The following RSPO2 variants were observed in gnomAD, a reference collection of about 807,000 sequenced individuals.
The protein encoded by RSPO2 is R-spondin-2.
Under a neutral mutation model 30.9 loss-of-function variants are expected in RSPO2, and 14 were observed. That is an observed-to-expected ratio of 0.45 (90% CI 0.30 to 0.71). The LOEUF (loss-of-function observed/expected upper bound fraction) is 0.71, where lower values mean the gene tolerates loss of function less well. RSPO2 is among the 30% of genes least tolerant of loss of function. The pLI, the probability that RSPO2 is intolerant of heterozygous loss-of-function variation, is 0.08. For synonymous variants in RSPO2, 107 were observed against 96.4 expected (o/e 1.11, Z -0.64); for missense variants, 264 against 301.9 (o/e 0.87, Z 0.93).
chr8:107,963,219 C>G (rs1813687103), intron 3 of RSPO2, among the ~76,000 whole-genome samples: 1 of 142,826 alleles, frequency 7.0e-6, no homozygotes, highest in African/African-American at 2.5e-5. Flanking sequence ...CCTGAAAAAC[C>G]CATTGTTAAG....
intron 2 of RSPO2, among the ~76,000 whole-genome samples, chr8:108,021,287 G>T (rs1199559857): frequency 6.6e-6 from 1 of 152,108 alleles, no homozygotes; most frequent in African/African-American, 2.4e-5. Flanking sequence ...CTGACTCACT[G>T]GGATATGTAA....
At chr8:107,984,933 T>C (rs889226145) in intron 3 of RSPO2, among the ~76,000 whole-genome samples, 4 of 152,200 alleles carry the variant, frequency 2.6e-5, no homozygotes, top group Non-Finnish European at 4.4e-5. Context: ...TACTTTGTAA[T>C]AGTTCATTAA....
intron 5 of RSPO2, among the ~76,000 whole-genome samples, chr8:107,955,446 GT>G (rs1332717322): frequency 6.6e-6 from 1 of 152,020 alleles, no homozygotes; most frequent in African/African-American, 2.4e-5. Flanking sequence ...AACCTTACAG[GT>G]TATGCTATCA....
chr8:107,962,116 T>A (rs1364025076), intron 3 of RSPO2, among the ~76,000 whole-genome samples: 1 of 152,158 alleles, frequency 6.6e-6, no homozygotes, highest in Non-Finnish European at 1.5e-5. Flanking sequence ...TGACATCACA[T>A]GTATTCATTT....
intron 5 of RSPO2, among the ~76,000 whole-genome samples, chr8:107,951,363 G>T (rs1321236286): frequency 6.6e-6 from 1 of 151,898 alleles, no homozygotes; most frequent in African/African-American, 2.4e-5. Flanking sequence ...AGAATAAGTT[G>T]TTCTAAAAAA....
At chr8:107,931,513 G>T (rs1317036522) in intron 5 of RSPO2, among the ~76,000 whole-genome samples, 5 of 152,056 alleles carry the variant, frequency 3.3e-5, no homozygotes, top group African/African-American at 1.2e-4. Context: ...GGCACAGGAA[G>T]AATTATTGTA....
At chr8:108,059,990 C>T (rs1812397623) in intron 2 of RSPO2, among the ~76,000 whole-genome samples, 1 of 151,166 alleles carries the variant, frequency 6.6e-6, no homozygotes, top group African/African-American at 2.5e-5. Flanking sequence ...TACCCTAAAA[C>T]TTAAAGTATA....
At chr8:107,949,443 T>A (rs898343521) in intron 5 of RSPO2, among the ~76,000 whole-genome samples, 8 of 151,536 alleles carry the variant, frequency 5.3e-5, no homozygotes, top group African/African-American at 2.0e-4. Context: ...AATTTCGAAT[T>A]GTACTGCTAT....
At chr8:107,993,555 C>CA (rs1398507308) in intron 2 of RSPO2, among the ~76,000 whole-genome samples, 1 of 152,128 alleles carries the variant, frequency 6.6e-6, no homozygotes, top group East Asian at 1.9e-4. Context: ...AAGACTACTA[C>CA]ATGCCTTTGA....
chr8:107,934,365 A>G (rs1423533700), intron 5 of RSPO2, among the ~76,000 whole-genome samples: 1 of 119,616 alleles, frequency 8.4e-6, no homozygotes, highest in African/African-American at 3.1e-5. Flanking sequence ...GCATCTTCTC[A>G]TTTCCCTTTT....
intron 2 of RSPO2, among the ~76,000 whole-genome samples, chr8:107,992,066 T>C (rs952179402): frequency 6.6e-6 from 1 of 151,990 alleles, no homozygotes; most frequent in Non-Finnish European, 1.5e-5. Context: ...ATCCTTCTAT[T>C]ATAAAGACAC....
intron 5 of RSPO2, among the ~76,000 whole-genome samples, chr8:107,904,738 C>G (rs1811585160): frequency 6.6e-6 from 1 of 152,064 alleles, no homozygotes. Context: ...AATGAAAATA[C>G]TACAGTCATC....
intron 2 of RSPO2, among the ~76,000 whole-genome samples, chr8:108,012,665 C>T (rs949221697): frequency 1.3e-5 from 2 of 152,100 alleles, no homozygotes; most frequent in African/African-American, 4.8e-5. Flanking sequence ...AAAGTAGGGG[C>T]TCTATTCCTA....
chr8:108,021,543 T>C (rs543362940), intron 2 of RSPO2, among the ~76,000 whole-genome samples: 2 of 152,196 alleles, frequency 1.3e-5, no homozygotes, highest in South Asian at 2.1e-4. Flanking sequence ...TCCAAACAGC[T>C]TGGGGAACAT....
At chr8:108,014,846 A>AAC (rs1407361934) in intron 2 of RSPO2, among the ~76,000 whole-genome samples, 3 of 148,030 alleles carry the variant, frequency 2.0e-5, no homozygotes, top group African/African-American at 7.4e-5. Flanking sequence ...AAGTATAATA[A>AAC]AAAAAAAAAA....
intron 4 of RSPO2, 40 bp from the exon 5 acceptor site, chr8:107,958,308 A>G (rs1813498736): frequency 2.6e-6 from 4 of 1,523,804 alleles, no homozygotes; most frequent in Non-Finnish European, 3.6e-6. Flanking sequence ...AAACACAAGC[A>G]CATAAGTTAG....
At chr8:107,978,684 T>A (rs962028664) in intron 3 of RSPO2, among the ~76,000 whole-genome samples, 2 of 152,106 alleles carry the variant, frequency 1.3e-5, no homozygotes, top group Non-Finnish European at 2.9e-5. Flanking sequence ...ACAAATGGAA[T>A]CTAATTAAAC....
intron 5 of RSPO2, among the ~76,000 whole-genome samples, chr8:107,908,489 T>C (rs529931131): frequency 1.3e-5 from 2 of 152,322 alleles, no homozygotes; most frequent in Admixed American, 1.3e-4. Context: ...CTCTACTATT[T>C]GTGTGAAAAA....
intron 5 of RSPO2, among the ~76,000 whole-genome samples, chr8:107,950,540 C>T (rs1268110980): frequency 1.3e-5 from 2 of 150,938 alleles, no homozygotes; most frequent in Admixed American, 1.3e-4. Context: ...TAAGTTCTTA[C>T]TAAATCCTTT....
Sources: allele counts gnomAD v4.1 joint callset (sites outside exome capture counted in the v4.1 genomes callset), GRCh38; gene constraint gnomAD v4.1.1; transcripts MANE v1.5; gene names NCBI Gene and HGNC (gene_info 2026-07-23, HGNC 2026-07-21).